The following ROBO3 variants were observed in gnomAD, a reference collection of about 807,000 sequenced individuals.
ROBO3 encodes the protein roundabout guidance receptor 3.
In ROBO3, 97 loss-of-function variants were observed where a neutral mutation model predicts 160.5. That is an observed-to-expected ratio of 0.60 (90% CI 0.51 to 0.72). The LOEUF (loss-of-function observed/expected upper bound fraction) is 0.72. Ranked by LOEUF, ROBO3 falls within the 30% of genes least tolerant of loss-of-function variation. ROBO3 has a pLI of 0.00. For synonymous variants in ROBO3, 780 were observed against 746.2 expected (o/e 1.05, Z -0.74); for missense variants, 1,858 against 1,846.5 (o/e 1.01, Z -0.11).
chr11:124,878,508 G>A lies in ROBO3; in HGVS notation c.3320+72G>A. 6.2e-7 allele frequency: 1 copy of A among 1,600,580 alleles called. No individual in the cohort carries two copies. Among genetic ancestry groups the A allele is most frequent in the Non-Finnish European group, 8.5e-7 (1 of 1,171,478 alleles). On this transcript the variant is annotated intron_variant, in intron 22 of 27. Transcript: ENST00000397801. The surrounding 1 kb of genome is among the most constrained non-coding windows in gnomAD (Gnocchi z 4.3). ...ATGGGCTGCTGGGGAGGAAGGGGAG[G>A]GGGCAGCAGGAAGGCCAACGGGAAG...
At chr11:124,875,883 G>C (rs1946354082) in intron 15 of ROBO3, 71 bp from the exon 16 acceptor site, 1 of 1,528,268 alleles carries the variant, frequency 6.5e-7, no homozygotes, top group Admixed American at 1.9e-5. Context: ...TCTACCATTT[G>C]GAGCCTTAAG....
At chr11:124,870,526 C>A (rs756205407) in intron 5 of ROBO3, 75 bp from the exon 6 acceptor site, 40 of 1,602,032 alleles carry the variant, frequency 2.5e-5, no homozygotes, top group Non-Finnish European at 3.2e-5. Context: ...TACCTTGACC[C>A]TGGTGTCTGT....
rs1010020965 is a variant in ROBO3 at position 124,871,131 on chromosome 11, G to A, written c.1151G>A (p.Gly384Glu). ...CCTGCCATCTTCTGGCAGAAGGAGG[G>A]GAGTCAGGTGGGTGGCCATCTCCAA... ...PPPAIFWQKE[G>E]SQVLLFPSQS... The change falls in exon 7 of 28, where the codon GGG becomes GAG. Residue 384 changes from glycine to glutamate, a missense_variant. Gly to Glu is a moderately conservative substitution (Grantham distance 98). Coordinates refer to ENST00000397801, the MANE Select transcript of ROBO3 (RefSeq NM_022370.4). 3.7e-6 allele frequency: 6 copies of A among 1,612,526 alleles called. No individual in the cohort carries two copies. The African/African-American group carries it at 6.7e-5, about 18-fold the overall frequency.
chr11:124,879,434 C>G, intron 24 of ROBO3, 31 bp from the exon 25 acceptor site: 1 of 1,610,872 alleles, frequency 6.2e-7, no homozygotes. Flanking sequence ...TTGCCCTTAC[C>G]CATTCCTCTT....
Position 124,875,183 on chromosome 11 carries a change from T to C in ROBO3, c.2146T>C (p.Trp716Arg). The C allele has an allele frequency of 6.2e-7, 1 of 1,613,696 alleles. No individual in the cohort carries two copies. The highest frequency in any genetic ancestry group is 1.3e-5 in the African/African-American group (1 of 74,984). The change falls in exon 14 of 28, where the codon TGG becomes CGG. Residue 716 changes from tryptophan (W) to arginine (R), a missense_variant. Physicochemically the swap from Trp to Arg is moderately radical, Grantham distance 101. Transcript: ENST00000397801. ...GGTAGCAGGCCCTGAGGGAGGAAGC[T>C]GGACAATGTTGGACCTACAGTCCCC... The part of the protein sequence containing the change: ...WRVAGPEGGS[W>R]TMLDLQSPSQ...
chr11:124,872,164 C>T lies in ROBO3; in HGVS notation c.1159-217C>T, dbSNP rs550057921. ...TCAGGGTTTCCCCACTAGTAAGTCA[C>T]GGAGCTGGGAAGTAGACTCTGAAAT... On this transcript the variant is annotated intron_variant, in intron 7 of 27. Transcript: ENST00000397801. The surrounding 1 kb of genome is among the most constrained non-coding windows in gnomAD (Gnocchi z 4.3). 7.2e-5 allele frequency among the ~76,000 whole-genome samples: 11 copies of T among 152,310 alleles called. No homozygotes were observed. The highest frequency in any genetic ancestry group is 1.9e-4 in the East Asian group (1 of 5,190).
In ROBO3 at chr11:124,869,435, C is replaced by T. The variant is rs776651860; in HGVS notation, c.488-15C>T. ...TCTACACCCTGCTTATTTCGCCCCC[C>T]ACCGCCCCGCCCAGTCCTCCGTGAT... On this transcript the variant is annotated splice_polypyrimidine_tract_variant and intron_variant, in intron 2 of 27. Transcript: ENST00000397801. The surrounding 1 kb of genome is among the most constrained non-coding windows in gnomAD (Gnocchi z 4.2). 10 of 1,395,504 alleles carry T rather than the reference C, an allele frequency of 7.2e-6. No homozygotes were observed. The allele number at this position is 1,395,504 out of a possible 1,614,324, so 86.4% of individuals were successfully genotyped here. A position where few individuals can be genotyped will look rare whatever the true frequency, so the allele number is the denominator to read the frequency against.
Position 124,881,332 on chromosome 11 carries a change from T to A in ROBO3, c.*82T>A. 7.3e-7 allele frequency: 1 copy of A among 1,365,656 alleles called. No individual in the cohort carries two copies. Among genetic ancestry groups the A allele is most frequent in the Non-Finnish European group, 1.0e-6 (1 of 976,568 alleles). The allele number at this position is 1,365,656 out of a possible 1,614,324, so 84.6% of individuals were successfully genotyped here. On this transcript the variant is annotated 3_prime_UTR_variant, in exon 28 of 28. Transcript: ENST00000397801. ...TCTTTTCCCCCCCAGCAGTGATGAG[T>A]GGGGCTAGCTGAAGCCCATTGGTTT... is the stretch of plus-strand genomic sequence containing the variant.
chr11:124,879,327 C>T lies in ROBO3; in HGVS notation c.3671C>T (p.Ala1224Val), dbSNP rs1245666696. Residue 1224 changes from alanine to valine, a missense_variant, in exon 24 of 28, where the codon GCC (alanine) becomes GTC (valine). Transcript: ENST00000397801. ...HLSPSPAPSTASSAPGRTWQG... is the reference protein window; with the variant it reads ...HLSPSPAPSTVSSAPGRTWQG... ...AGCCCCAGTCCTGCCCCTAGCACAG[C>T]CAGCAGTGCCCCAGGTAAGTCTCTA... The T allele has an allele frequency of 1.9e-6, 3 of 1,608,714 alleles. No individual in the cohort carries two copies. The African/African-American group carries it at 4.0e-5, about 21-fold the overall frequency.
intron 1 of ROBO3, chr11:124,868,477 G>A: frequency 1.7e-6 from 1 of 593,558 alleles, no homozygotes; most frequent in African/African-American, 1.9e-5. Flanking sequence ...CTCGCCAAGC[G>A]TGGTTCAGCC....
rs1946482200 is a variant in ROBO3, at chr11:124,878,987, G to C, written c.3533+191G>C. 1 of 748,506 alleles carries C rather than the reference G, an allele frequency of 1.3e-6. No individual in the cohort carries two copies. The highest frequency in any genetic ancestry group is 2.7e-5 in the Admixed American group (1 of 37,602). 46.4% of individuals were successfully genotyped at this position (748,506 alleles called of 1,614,324 possible). A position where few individuals can be genotyped will look rare whatever the true frequency, so the allele number is the denominator to read the frequency against. On this transcript the variant is annotated intron_variant, in intron 23 of 27. Coordinates refer to ENST00000397801, the MANE Select transcript of ROBO3 (RefSeq NM_022370.4). The surrounding 1 kb of genome is among the most constrained non-coding windows in gnomAD (Gnocchi z 4.3). ...CAAGATCTCTCATGCCCATTAGACT[G>C]GCTCTTGCTGGAGTGGTCAGCACTC...
At chr11:124,868,702 T>C (rs985286844) in intron 1 of ROBO3, 100 bp from the exon 2 acceptor site, 5 of 1,205,368 alleles carry the variant, frequency 4.1e-6, no homozygotes, top group South Asian at 1.3e-5. Context: ...CAGAGAAGCA[T>C]AGGAGATGGA....
In ROBO3 at chr11:124,873,987, C is replaced by T. The variant is rs572670059; in HGVS notation, c.1785-83C>T. The T allele has an allele frequency of 2.1e-5, 33 of 1,586,676 alleles. No individual in the cohort carries two copies. Among genetic ancestry groups the T allele is most frequent in the Admixed American group, 3.4e-5 (2 of 59,660 alleles). The stretch of plus-strand genomic sequence containing the variant: ...TCTTGCAAGGGGAAGACATAATGGT[C>T]GTTCATAGAGAGTGGATGAGATGGA... On this transcript the variant is annotated intron_variant, in intron 11 of 27. Coordinates refer to ENST00000397801, the MANE Select transcript of ROBO3 (RefSeq NM_022370.4). The surrounding 1 kb of genome is among the most constrained non-coding windows in gnomAD (Gnocchi z 4.5).
chr11:124,876,609 C>G lies in ROBO3; in HGVS notation c.2779+149C>G. On this transcript the variant is annotated intron_variant, in intron 17 of 27. Transcript: ENST00000397801. This position sits in a 1 kb window ranked among gnomAD's most constrained non-coding sequence, Gnocchi z 5.3. ...CAGCCTCTTGGGTAGGGGCGGGATA[C>G]GTGGGGCGACTCGAGGAGCTGCCAG... 1 of 619,300 alleles carries G rather than the reference C, an allele frequency of 1.6e-6. No homozygotes were observed. Among genetic ancestry groups the G allele is most frequent in the Non-Finnish European group, 2.5e-6 (1 of 406,190 alleles). The allele number at this position is 619,300 out of a possible 1,614,324, so 38.4% of individuals were successfully genotyped here.
rs1012789820 is a variant in ROBO3, at chr11:124,879,190, G to A, written c.3534G>A (p.Arg1178=). 7.1e-6 allele frequency: 11 copies of A among 1,550,900 alleles called. No individual in the cohort carries two copies. The highest frequency in any genetic ancestry group is 1.7e-4 in the Middle Eastern group (1 of 5,756). Residue 1178 remains arginine (R), a splice_region_variant and synonymous_variant, in exon 24 of 28, where the codon AGG becomes AGA. Coordinates refer to ENST00000397801, the MANE Select transcript of ROBO3 (RefSeq NM_022370.4). The stretch of plus-strand genomic sequence containing the variant: ...AGGCTGCGGCCTCCTGTCATTGCAG[G>A]AGGGTGCCCCTTGGGCCGAGTTCCC... ...TDMPHLHQMP[R]RVPLGPSSPL...
At position 124,877,557 on chromosome 11, in the gene ROBO3, T is replaced by C; in HGVS notation, c.2885T>C (p.Leu962Pro). Reference sequence around the variant, plus strand: ...CTTGGCCCCGCCCCCTACTCATGGCTGGCAGATTCGTGGCCCCACCCATCT... The same window carrying C: ...CTTGGCCCCGCCCCCTACTCATGGCCGGCAGATTCGTGGCCCCACCCATCT... ...MGLGPAPYSW[L>P]ADSWPHPSRS... is the part of the protein sequence containing the mutation. Residue 962 changes from leucine to proline, a missense_variant, in exon 20 of 28, where the codon CTG (leucine) becomes CCG (proline). By Grantham distance (98) the Leu-to-Pro change is moderately conservative. Coordinates refer to ENST00000397801, the MANE Select transcript of ROBO3 (RefSeq NM_022370.4). 2 of 1,601,968 alleles carry C rather than the reference T, an allele frequency of 1.2e-6. No individual in the cohort carries two copies. The highest frequency in any genetic ancestry group is 1.7e-6 in the Non-Finnish European group (2 of 1,174,814).
chr11:124,873,688 C>T lies in ROBO3; in HGVS notation c.1619-9C>T, dbSNP rs369359848. On this transcript the variant is annotated splice_polypyrimidine_tract_variant and intron_variant, in intron 10 of 27. Coordinates refer to ENST00000397801, the MANE Select transcript of ROBO3 (RefSeq NM_022370.4). The surrounding 1 kb of genome is among the most constrained non-coding windows in gnomAD (Gnocchi z 4.5). ...TATCTTTCTACTTAAAGATTATCTC[C>T]CACTGCAGAAGACTGGGGAGTATCA... 2.3e-4 allele frequency: 364 copies of T among 1,601,098 alleles called. 1 individual carries two copies. The highest frequency in any genetic ancestry group is 2.8e-4 in the Non-Finnish European group (326 of 1,173,584).
In ROBO3 at chr11:124,871,041, A is replaced by G. The variant is rs1194129735; in HGVS notation, c.1061A>G (p.Gln354Arg). The G allele has an allele frequency of 1.9e-6, 3 of 1,609,590 alleles. No individual in the cohort carries two copies. The African/African-American group carries it at 4.0e-5, about 22-fold the overall frequency. The change falls in exon 7 of 28, where the codon CAG (glutamine) becomes CGG (arginine). Residue 354 changes from glutamine to arginine, a missense_variant. Physicochemically the swap from Gln to Arg is conservative, Grantham distance 43 (BLOSUM62 1). Transcript: ENST00000397801. ...HVPPQLVTQP[Q>R]DQMAAPGESV... ...CCACCCCAGTTGGTGACCCAGCCCCAGGACCAGATGGCAGCTCCTGGAGAG... is the reference window on the plus strand; with the variant it reads ...CCACCCCAGTTGGTGACCCAGCCCCGGGACCAGATGGCAGCTCCTGGAGAG...
At chr11:124,867,948 C>T (rs1946223373) in intron 1 of ROBO3, among the ~76,000 whole-genome samples, 1 of 152,164 alleles carries the variant, frequency 6.6e-6, no homozygotes, top group South Asian at 2.1e-4. Context: ...GTATAACAGG[C>T]TCCGGGATCC....
Sources: allele counts gnomAD v4.1 joint callset (sites outside exome capture counted in the v4.1 genomes callset), GRCh38; gene constraint gnomAD v4.1.1; non-coding constraint Gnocchi (gnomAD v3.1); transcripts MANE v1.5; gene names NCBI Gene and HGNC (gene_info 2026-07-23, HGNC 2026-07-21).